The following STX6 variants were observed in gnomAD, a reference collection of about 807,000 sequenced individuals.
STX6 encodes the protein syntaxin 6.
In STX6, 23 loss-of-function variants were observed where a neutral mutation model predicts 38.0. The observed-to-expected ratio is 0.60, with a 90% CI of 0.43 to 0.86. STX6 has a LOEUF of 0.86. STX6 is among the 40% of genes least tolerant of loss of function. STX6 has a pLI of 0.00. For synonymous variants in STX6, 123 were observed against 107.5 expected (o/e 1.14, Z -0.89); for missense variants, 274 against 312.9 (o/e 0.88, Z 0.94).
At chr1:180,990,188 T>C in intron 4 of STX6, 79 bp from the exon 5 acceptor site, 2 of 1,551,158 alleles carry the variant, frequency 1.3e-6, no homozygotes, top group East Asian at 2.3e-5. Flanking sequence ...TCAAGAGTGA[T>C]ATAAAGAGTT....
rs1181597627 is a variant in STX6, at chr1:181,011,198, A to AGTCG, written c.36-5739_36-5736dup. Among the ~76,000 whole-genome samples the AGTCG allele has an allele frequency of 3.9e-5, 6 of 152,348 alleles. No individual in the cohort carries two copies. The South Asian group carries it at 1.2e-3, about 32-fold the overall frequency. On this transcript the variant is annotated intron_variant, in intron 1 of 7. Coordinates refer to ENST00000258301, the MANE Select transcript of STX6 (RefSeq NM_005819.6). ...AACACAGACATAAGAAAGGTAAACTAGTCGTTATTTTACATTTTTAAGATG... is the reference window on the plus strand; with the variant it reads ...AACACAGACATAAGAAAGGTAAACTAGTCGGTCGTTATTTTACATTTTTAAGATG...
chr1:181,007,425 A>C (rs1656256797), intron 1 of STX6, among the ~76,000 whole-genome samples: 1 of 152,224 alleles, frequency 6.6e-6, no homozygotes. Flanking sequence ...TGGAACCCAC[A>C]GAGATGGAGG....
chr1:181,019,852 G>A (rs779699314), intron 1 of STX6, among the ~76,000 whole-genome samples: 4 of 152,112 alleles, frequency 2.6e-5, no homozygotes, highest in Admixed American at 6.5e-5. Context: ...AACCTTTTAT[G>A]TATGTTTGGA....
chr1:180,991,571 A>G (rs1440814017), intron 4 of STX6, among the ~76,000 whole-genome samples: 1 of 152,200 alleles, frequency 6.6e-6, no homozygotes, highest in East Asian at 1.9e-4. Flanking sequence ...ACTTAGGTAG[A>G]GCTAAGTATA....
intron 1 of STX6, among the ~76,000 whole-genome samples, chr1:181,021,027 A>G (rs920065891): frequency 1.3e-5 from 2 of 152,230 alleles, no homozygotes; most frequent in Non-Finnish European, 2.9e-5. Context: ...GTAAAAATCA[A>G]TCAAAACTCC....
chr1:181,020,386 T>G (rs1656692382), intron 1 of STX6, among the ~76,000 whole-genome samples: 1 of 152,254 alleles, frequency 6.6e-6, no homozygotes, highest in Admixed American at 6.5e-5. Context: ...TTGAATATTT[T>G]GAATGTATTA....
intron 3 of STX6, among the ~76,000 whole-genome samples, chr1:180,999,108 G>A (rs978670677): frequency 6.6e-5 from 10 of 152,172 alleles, no homozygotes; most frequent in African/African-American, 2.4e-4. Context: ...ACAATTGACT[G>A]TAAACAATTC....
At chr1:180,998,245 CATGTGGGGT>C (rs1370184914) in intron 3 of STX6, among the ~76,000 whole-genome samples, 1 of 152,128 alleles carries the variant, frequency 6.6e-6, no homozygotes, top group Non-Finnish European at 1.5e-5. Context: ...TAATAAAAAC[CATGTGGGGT>C]TATGTGTGTG....
intron 3 of STX6, among the ~76,000 whole-genome samples, chr1:180,999,410 C>A (rs1656013721): frequency 6.6e-6 from 1 of 152,166 alleles, no homozygotes; most frequent in Non-Finnish European, 1.5e-5. Flanking sequence ...CATGTGGAAT[C>A]TTTGATGTAT....
chr1:181,010,889 C>T (rs2102328913), intron 1 of STX6, among the ~76,000 whole-genome samples: 1 of 152,282 alleles, frequency 6.6e-6, no homozygotes, highest in Admixed American at 6.5e-5. Context: ...ACAGGCCATG[C>T]TTTCAGAACT....
intron 1 of STX6, among the ~76,000 whole-genome samples, chr1:181,014,176 T>A (rs934525148): frequency 6.6e-6 from 1 of 152,086 alleles, no homozygotes; most frequent in Non-Finnish European, 1.5e-5. Context: ...GGTGGGTGGA[T>A]CACCAGGTCA....
At chr1:181,011,488 T>C (rs1421035882) in intron 1 of STX6, among the ~76,000 whole-genome samples, 3 of 152,220 alleles carry the variant, frequency 2.0e-5, no homozygotes, top group South Asian at 2.1e-4. Flanking sequence ...TTCTAAAGCA[T>C]GTGGGATTTC....
intron 1 of STX6, among the ~76,000 whole-genome samples, chr1:181,018,565 A>AT: frequency 6.6e-6 from 1 of 151,818 alleles, no homozygotes; most frequent in Middle Eastern, 3.4e-3. Context: ...ACTAAGTTTC[A>AT]TTTTCCTTTT....
At chr1:180,995,636 G>A (rs775918467) in intron 3 of STX6, among the ~76,000 whole-genome samples, 3 of 152,212 alleles carry the variant, frequency 2.0e-5, no homozygotes. Flanking sequence ...CAGTCGGAAC[G>A]CTTGAGGCCA....
At chr1:181,011,604 G>A (rs1215198251) in intron 1 of STX6, among the ~76,000 whole-genome samples, 1 of 152,178 alleles carries the variant, frequency 6.6e-6, no homozygotes, top group Non-Finnish European at 1.5e-5. Flanking sequence ...ACTAAAAACT[G>A]AAGATTACTT....
chr1:180,991,032 A>G (rs1655742772), intron 4 of STX6, among the ~76,000 whole-genome samples: 1 of 152,096 alleles, frequency 6.6e-6, no homozygotes, highest in Non-Finnish European at 1.5e-5. Context: ...AGAGTTGCCA[A>G]ATTTTCCTAT....
At chr1:181,022,424 G>A (rs1196594870) in intron 1 of STX6, among the ~76,000 whole-genome samples, 2 of 152,130 alleles carry the variant, frequency 1.3e-5, no homozygotes, top group Non-Finnish European at 2.9e-5. Flanking sequence ...CCACCACCAG[G>A]GGCTTGGCTG....
intron 3 of STX6, among the ~76,000 whole-genome samples, chr1:181,000,875 C>CAAA (rs34045263): frequency 2.8e-4 from 20 of 72,222 alleles, no homozygotes; most frequent in Admixed American, 4.7e-4. Flanking sequence ...CCTACTACTA[C>CAAA]AAAAAAAAAA....
chr1:181,014,551 C>T (rs536556890), intron 1 of STX6, among the ~76,000 whole-genome samples: 4 of 152,274 alleles, frequency 2.6e-5, no homozygotes, highest in African/African-American at 7.2e-5. Flanking sequence ...TTCATCAATA[C>T]AGTAAAAGAG....
Sources: allele counts gnomAD v4.1 joint callset (sites outside exome capture counted in the v4.1 genomes callset), GRCh38; gene constraint gnomAD v4.1.1; transcripts MANE v1.5; gene names NCBI Gene and HGNC (gene_info 2026-07-23, HGNC 2026-07-21).